Variants in RPS6KA2 observed in about 807,000 individuals in gnomAD.
RPS6KA2 encodes the protein ribosomal protein S6 kinase A2, also known as ribosomal protein S6 kinase alpha-2.
In RPS6KA2, 42 loss-of-function variants were observed where a neutral mutation model predicts 91.8. The ratio of observed to expected loss-of-function variants is 0.46; its 90% CI spans 0.36 to 0.59. RPS6KA2 has a LOEUF of 0.59. Ranked by LOEUF, RPS6KA2 falls within the 20% of genes least tolerant of loss-of-function variation. RPS6KA2 has a pLI of 0.00. For synonymous variants in RPS6KA2, 414 were observed against 393.6 expected (o/e 1.05, Z -0.61); for missense variants, 798 against 978.5 (o/e 0.82, Z 2.46).
rs568658725 is a variant in RPS6KA2 at position 166,770,534 on chromosome 6, T to C, written c.123+87666A>G. On this transcript the variant is annotated intron_variant, in intron 2 of 21. Transcript: ENST00000503859. The surrounding 1 kb of genome is among the most constrained non-coding windows in gnomAD (Gnocchi z 5.1). ...AGGCACGTCGTAGTTTTAAAAGGAATATTGGACATAAAGTGATGCAGAGAT... is the reference window on the plus strand; with the variant it reads ...AGGCACGTCGTAGTTTTAAAAGGAACATTGGACATAAAGTGATGCAGAGAT... 6.6e-6 allele frequency among the ~76,000 whole-genome samples: 1 copy of C among 152,326 alleles called. No individual in the cohort carries two copies. The highest frequency in any genetic ancestry group is 2.1e-4 in the South Asian group (1 of 4,828).
chr6:166,858,128 T>C (rs747518337), intron 2 of RPS6KA2: 2 of 898,744 alleles, frequency 2.2e-6, no homozygotes, highest in African/African-American at 3.2e-5. Flanking sequence ...CAAACTTCCA[T>C]TTCCCCCTTC....
intron 2 of RPS6KA2, among the ~76,000 whole-genome samples, chr6:166,700,091 T>A (rs1789465822): frequency 6.6e-6 from 1 of 152,258 alleles, no homozygotes; most frequent in South Asian, 2.1e-4. Flanking sequence ...GCACTTTCTT[T>A]AGGTATTGAT....
At chr6:166,499,626 C>T (rs564302560) in intron 7 of RPS6KA2, among the ~76,000 whole-genome samples, 4 of 152,312 alleles carry the variant, frequency 2.6e-5, no homozygotes, top group East Asian at 1.9e-4. Context: ...CCATGTAAGA[C>T]GTGCTTTTTC....
chr6:166,479,941 T>C (rs1258965636), intron 10 of RPS6KA2, among the ~76,000 whole-genome samples: 1 of 152,228 alleles, frequency 6.6e-6, no homozygotes, highest in African/African-American at 2.4e-5. Context: ...GCATGCAGAA[T>C]GGCCTCACTC....
intron 2 of RPS6KA2, among the ~76,000 whole-genome samples, chr6:166,816,565 A>C (rs2881192): frequency 0.73 from 110,780 of 151,090 alleles, 40,885 homozygotes; most frequent in East Asian, 0.92. Flanking sequence ...AAAAAAAAAA[A>C]AAAAAGAATT....
At chr6:166,679,788 C>T (rs946442316) in intron 2 of RPS6KA2, among the ~76,000 whole-genome samples, 2 of 152,160 alleles carry the variant, frequency 1.3e-5, no homozygotes, top group African/African-American at 4.8e-5. Flanking sequence ...GCTGGGGTTG[C>T]GAGTGGTGCT....
At chr6:166,446,689 G>A (rs987660094) in intron 14 of RPS6KA2, among the ~76,000 whole-genome samples, 1 of 152,170 alleles carries the variant, frequency 6.6e-6, no homozygotes, top group Non-Finnish European at 1.5e-5. Flanking sequence ...CCATCGCCTC[G>A]TCACTGGGGG....
intron 1 of RPS6KA2, among the ~76,000 whole-genome samples, chr6:166,569,538 T>C (rs1277956679): frequency 6.6e-6 from 1 of 152,176 alleles, no homozygotes; most frequent in African/African-American, 2.4e-5. Context: ...CCTGGAAATC[T>C]CCAGGCCAGG....
intron 2 of RPS6KA2, among the ~76,000 whole-genome samples, chr6:166,714,733 A>G (rs1218712281): frequency 6.6e-6 from 1 of 152,094 alleles, no homozygotes; most frequent in Non-Finnish European, 1.5e-5. Flanking sequence ...GCAGGAGCCC[A>G]CTCTGCCACA....
intron 2 of RPS6KA2, among the ~76,000 whole-genome samples, chr6:166,807,153 A>G (rs1030186339): frequency 8.1e-4 from 124 of 152,248 alleles, no homozygotes; most frequent in African/African-American, 2.9e-3. Context: ...CCATACCAAT[A>G]ATCACTTTAA....
rs1004090146 is a variant in RPS6KA2, at chr6:166,554,509, G to A, written c.100-15725C>T. Among the ~76,000 whole-genome samples, 1 of 152,162 alleles carries A rather than the reference G, an allele frequency of 6.6e-6. No homozygotes were observed. Among genetic ancestry groups the A allele is most frequent in the African/African-American group, 2.4e-5 (1 of 41,434 alleles). On this transcript the variant is annotated intron_variant, in intron 1 of 20. Coordinates refer to ENST00000265678, the MANE Select transcript of RPS6KA2 (RefSeq NM_021135.6). This position sits in a 1 kb window ranked among gnomAD's most constrained non-coding sequence, Gnocchi z 4.3. The stretch of plus-strand genomic sequence containing the variant: ...CCTTTCTATTCCTCTTCCCAGCTCC[G>A]GATGTGCATCCTGTGTGGGGACAGA...
chr6:166,514,208 C>T (rs556732623), intron 3 of RPS6KA2, among the ~76,000 whole-genome samples: 26 of 152,308 alleles, frequency 1.7e-4, no homozygotes, highest in Admixed American at 3.3e-4. Flanking sequence ...TCTCCTGGCC[C>T]ACTCCTTTCC....
chr6:166,744,628 C>A (rs892508558), intron 2 of RPS6KA2, among the ~76,000 whole-genome samples: 3 of 152,184 alleles, frequency 2.0e-5, no homozygotes, highest in African/African-American at 4.8e-5. Context: ...GGCCCAGACA[C>A]CCCCGAGGGT....
chr6:166,589,490 G>A (rs1265273884), intron 1 of RPS6KA2, among the ~76,000 whole-genome samples: 3 of 152,174 alleles, frequency 2.0e-5, no homozygotes, highest in Admixed American at 6.5e-5. Context: ...TTCTATGCCC[G>A]ACAGGAGGGA....
chr6:166,556,283 C>T (rs1366546638), intron 1 of RPS6KA2, among the ~76,000 whole-genome samples: 1 of 152,156 alleles, frequency 6.6e-6, no homozygotes, highest in Non-Finnish European at 1.5e-5. Context: ...GGTGCAAATT[C>T]ACTCACACCA....
intron 2 of RPS6KA2, among the ~76,000 whole-genome samples, chr6:166,731,421 A>G (rs539810722): frequency 6.7e-6 from 1 of 150,146 alleles, no homozygotes; most frequent in African/African-American, 2.5e-5. Flanking sequence ...GCAACCAAGT[A>G]GCTGATTTAT....
At chr6:166,707,041 A>G (rs1353537319) in intron 2 of RPS6KA2, among the ~76,000 whole-genome samples, 2 of 152,260 alleles carry the variant, frequency 1.3e-5, no homozygotes, top group African/African-American at 4.8e-5. Flanking sequence ...AAAGTCCAAC[A>G]TACCTATAAT....
At position 166,431,626 on chromosome 6, in the gene RPS6KA2, C is replaced by T. The variant is rs59768483; in HGVS notation, c.1422+775G>A. On this transcript the variant is annotated intron_variant, in intron 15 of 20. Transcript: ENST00000265678. Reference sequence around the variant, plus strand: ...TGCTCTGATTATTCTTTTTATGTTTCGATTTTTTGAGATGGAGTCTCTCTC... The same window carrying T: ...TGCTCTGATTATTCTTTTTATGTTTTGATTTTTTGAGATGGAGTCTCTCTC... Among the ~76,000 whole-genome samples the T allele has an allele frequency of 6.6e-3, 1,005 of 152,112 alleles. 15 individuals carry two copies. The highest frequency in any genetic ancestry group is 0.023 in the African/African-American group (943 of 41,494).
chr6:166,520,579 C>T (rs7766494), intron 3 of RPS6KA2, among the ~76,000 whole-genome samples: 8,875 of 152,140 alleles, frequency 0.058, 885 homozygotes, highest in African/African-American at 0.2. Flanking sequence ...GAATTTGGTA[C>T]CCAAAAGTGG....
Sources: gnomAD v4.1 joint callset for allele counts (sites outside exome capture counted in the v4.1 genomes callset) on GRCh38, gnomAD v4.1.1 for gene constraint, Gnocchi (gnomAD v3.1) non-coding constraint, MANE v1.5 for transcripts, NCBI Gene and HGNC (gene_info 2026-07-23, HGNC 2026-07-21) for gene names.